Variants in DPP10 observed in about 807,000 individuals in gnomAD.
The protein encoded by DPP10 is inactive dipeptidyl peptidase 10.
A neutral mutation model predicts 120.9 loss-of-function variants in DPP10; 33 were observed. The ratio of observed to expected loss-of-function variants is 0.27; its 90% confidence interval spans 0.21 to 0.37. The LOEUF (loss-of-function observed/expected upper bound fraction) is 0.37, where lower values mean the gene tolerates loss of function less well. DPP10 is among the 10% of genes least tolerant of loss of function. The pLI is 1.00. For missense variants in DPP10, 816 were observed against 942.8 expected, an observed-to-expected ratio of 0.87 and a Z score of 1.76; for synonymous variants, 337 against 326.1, an observed-to-expected ratio of 1.03 and a Z score of -0.36.
In DPP10 at chr2:115,561,964, C is replaced by G. The variant is rs188307323; in HGVS notation, c.441+35992C>G. On this transcript the variant is annotated intron_variant, in intron 5 of 25. Transcript: ENST00000410059. ...TCGTTTCTGAATATATGCCTCATCT[C>G]CTTCCTTTCTGTGAAATCTGACAGT... Among the ~76,000 whole-genome samples the G allele has an allele frequency of 2.0e-5, 3 of 152,304 alleles. No homozygotes were observed. The East Asian group carries it at 5.8e-4, about 29-fold the overall frequency.
intron 1 of DPP10, among the ~76,000 whole-genome samples, chr2:114,903,484 G>A (rs374837956): frequency 6.6e-6 from 1 of 152,158 alleles, no homozygotes; most frequent in Admixed American, 6.5e-5. Context: ...CATTCTAATA[G>A]ATGTGTAGTG....
intron 1 of DPP10, among the ~76,000 whole-genome samples, chr2:115,068,478 A>G (rs953435844): frequency 6.6e-6 from 1 of 152,084 alleles, no homozygotes; most frequent in Non-Finnish European, 1.5e-5. Flanking sequence ...TTAATCTCTC[A>G]TTGTATATAT....
chr2:115,735,684 A>ATTTTTT (rs70941095), intron 8 of DPP10, among the ~76,000 whole-genome samples: 5 of 62,462 alleles, frequency 8.0e-5, no homozygotes, highest in East Asian at 5.4e-4. Flanking sequence ...CGCCCAGCTA[A>ATTTTTT]TTTTTTTTTT....
chr2:114,532,292 T>TACACACAC (rs1433723535), intron 1 of DPP10, among the ~76,000 whole-genome samples: 6 of 67,370 alleles, frequency 8.9e-5, no homozygotes, highest in African/African-American at 3.5e-4. Flanking sequence ...TATATATATA[T>TACACACAC]ATATACACAC....
At chr2:114,620,907 G>T (rs950504425) in intron 1 of DPP10, among the ~76,000 whole-genome samples, 2 of 152,012 alleles carry the variant, frequency 1.3e-5, no homozygotes, top group African/African-American at 4.8e-5. Flanking sequence ...GACATTCATC[G>T]AATCTGGTGG....
At chr2:115,827,150 T>A (rs1214095807) in intron 21 of DPP10, among the ~76,000 whole-genome samples, 2 of 151,828 alleles carry the variant, frequency 1.3e-5, no homozygotes, top group African/African-American at 4.8e-5. Context: ...GGTCTTTGCA[T>A]TATTTTGATG....
intron 7 of DPP10, among the ~76,000 whole-genome samples, chr2:115,701,673 A>G (rs995205356): frequency 6.6e-6 from 1 of 152,100 alleles, no homozygotes; most frequent in Non-Finnish European, 1.5e-5. Flanking sequence ...AACATGTGGA[A>G]TAGAAAATAT....
chr2:114,467,416 C>G (rs895824444), intron 1 of DPP10, among the ~76,000 whole-genome samples: 1 of 152,088 alleles, frequency 6.6e-6, no homozygotes, highest in East Asian at 1.9e-4. Flanking sequence ...TATTTTCATG[C>G]AATATTTTCT....
intron 1 of DPP10, among the ~76,000 whole-genome samples, chr2:115,186,547 C>T (rs904110254): frequency 2.0e-5 from 3 of 152,100 alleles, no homozygotes; most frequent in Non-Finnish European, 4.4e-5. Flanking sequence ...AGGAGGTGAC[C>T]TGTGACCTAA....
chr2:115,562,914 T>A (rs1349008217), intron 5 of DPP10, among the ~76,000 whole-genome samples: 4 of 152,212 alleles, frequency 2.6e-5, no homozygotes, highest in African/African-American at 9.6e-5. Context: ...ATCTCAGTGA[T>A]CAGAGATTAG....
intron 1 of DPP10, among the ~76,000 whole-genome samples, chr2:114,594,455 T>A (rs1691731388): frequency 6.8e-6 from 1 of 148,090 alleles, no homozygotes. Flanking sequence ...TGTGAACACA[T>A]ACATATGTAA....
At chr2:115,319,257 A>T (rs939486130) in intron 2 of DPP10, among the ~76,000 whole-genome samples, 2 of 152,050 alleles carry the variant, frequency 1.3e-5, no homozygotes, top group South Asian at 2.1e-4. Context: ...CTTGTTCATG[A>T]TGTATAAGCC....
At chr2:115,528,040 G>A (rs2078237581) in intron 5 of DPP10, among the ~76,000 whole-genome samples, 1 of 152,130 alleles carries the variant, frequency 6.6e-6, no homozygotes, top group African/African-American at 2.4e-5. Context: ...GTGTGCATGT[G>A]TCTTTATAGC....
intron 15 of DPP10, among the ~76,000 whole-genome samples, chr2:115,778,842 C>A (rs565198803): frequency 6.6e-6 from 1 of 152,162 alleles, no homozygotes; most frequent in South Asian, 2.1e-4. Flanking sequence ...TTCTCGTGGA[C>A]CTCCTGGAAC....
intron 5 of DPP10, among the ~76,000 whole-genome samples, chr2:115,618,423 AT>A (rs1384940250): frequency 6.6e-6 from 1 of 152,194 alleles, no homozygotes; most frequent in Non-Finnish European, 1.5e-5. Context: ...AAATGGTGGA[AT>A]TAATGAAGAG....
chr2:115,010,914 C>T (rs536681933), intron 1 of DPP10, among the ~76,000 whole-genome samples: 2 of 152,106 alleles, frequency 1.3e-5, no homozygotes, highest in South Asian at 2.1e-4. Flanking sequence ...GAAAGGCAAA[C>T]GTAAACATGA....
At chr2:115,044,251 C>G (rs947206306) in intron 1 of DPP10, among the ~76,000 whole-genome samples, 2 of 152,118 alleles carry the variant, frequency 1.3e-5, no homozygotes, top group African/African-American at 4.8e-5. Context: ...AGGAAACTTA[C>G]AATCATTGTA....
intron 5 of DPP10, among the ~76,000 whole-genome samples, chr2:115,676,903 G>A (rs1262244563): frequency 6.6e-6 from 1 of 152,020 alleles, no homozygotes; most frequent in Non-Finnish European, 1.5e-5. Flanking sequence ...ACTATCACAA[G>A]ATAAAGAGAG....
At chr2:115,245,538 AAC>A (rs2058495844) in intron 1 of DPP10, among the ~76,000 whole-genome samples, 1 of 152,206 alleles carries the variant, frequency 6.6e-6, no homozygotes, top group African/African-American at 2.4e-5. Flanking sequence ...TCAAAATGTA[AAC>A]TAGTATAGCC....
Sources: allele counts gnomAD v4.1 joint callset (sites outside exome capture counted in the v4.1 genomes callset), GRCh38; gene constraint gnomAD v4.1.1; transcripts MANE v1.5; gene names NCBI Gene and HGNC (gene_info 2026-07-23, HGNC 2026-07-21).